MBTD1: variants seen among roughly 807,000 people sequenced by gnomAD.
The protein encoded by MBTD1 is mbt domain containing 1.
In MBTD1, 24 loss-of-function variants were observed where a neutral mutation model predicts 87.8. The ratio of observed to expected loss-of-function variants is 0.27; its 90% CI spans 0.20 to 0.38. The LOEUF (loss-of-function observed/expected upper bound fraction) is 0.38. Ranked by LOEUF, MBTD1 falls within the 10% of genes least tolerant of loss-of-function variation. The pLI, the probability that MBTD1 is intolerant of heterozygous loss-of-function variation, is 1.00. For synonymous variants in MBTD1, 237 were observed against 248.6 expected (o/e 0.95, Z 0.44); for missense variants, 436 against 760.2 (o/e 0.57, Z 5.02).
chr17:51,225,359 TAA>T, intron 2 of MBTD1, 150 bp from the exon 3 acceptor site: 1 of 411,102 alleles, frequency 2.4e-6, no homozygotes, highest in African/African-American at 2.3e-5. Flanking sequence ...TTTCTTTTTT[TAA>T]AAAATGCTTT....
At chr17:51,259,702 G>A (rs999656552) in intron 1 of MBTD1, 133 bp downstream of exon 1, 12 of 800,344 alleles carry the variant, frequency 1.5e-5, no homozygotes, top group Non-Finnish European at 2.0e-5. Context: ...GGGGGCTCCG[G>A]AGGTTGAGAG....
At chr17:51,220,596 C>T in intron 3 of MBTD1, 133 bp from the exon 4 acceptor site, 1 of 717,154 alleles carries the variant, frequency 1.4e-6, no homozygotes, top group Non-Finnish European at 2.2e-6. Flanking sequence ...TCTTCTATCT[C>T]CTATACAAAT....
intron 13 of MBTD1, 142 bp from the exon 14 acceptor site, chr17:51,193,652 C>G: frequency 1.6e-6 from 1 of 618,130 alleles, no homozygotes; most frequent in East Asian, 2.9e-5. Context: ...GGGTCTTGCT[C>G]TGTCGCCCAG....
intron 2 of MBTD1, among the ~76,000 whole-genome samples, chr17:51,228,898 G>A (rs1164964471): frequency 2.0e-5 from 3 of 146,614 alleles, no homozygotes; most frequent in Admixed American, 6.8e-5. Context: ...AGTCCTTCTC[G>A]GGGGTGGGTG....
chr17:51,251,436 C>T (rs2054776600), intron 2 of MBTD1: 1 of 152,200 alleles, frequency 6.6e-6, no homozygotes, highest in Non-Finnish European at 1.5e-5. Context: ...GTACTGCTTA[C>T]CTTTAAGCTC....
At chr17:51,253,255 A>C (rs2054900780) in intron 2 of MBTD1, among the ~76,000 whole-genome samples, 1 of 152,222 alleles carries the variant, frequency 6.6e-6, no homozygotes, top group Non-Finnish European at 1.5e-5. Context: ...AGGCAATTTG[A>C]CATTACATAT....
At chr17:51,233,552 C>A (rs1435494635) in intron 2 of MBTD1, among the ~76,000 whole-genome samples, 1 of 151,470 alleles carries the variant, frequency 6.6e-6, no homozygotes, top group Non-Finnish European at 1.5e-5. Flanking sequence ...ATACATGAGA[C>A]AAAAAGCTAG....
chr17:51,225,287 G>C, intron 2 of MBTD1, 78 bp from the exon 3 acceptor site: 1 of 628,806 alleles, frequency 1.6e-6, no homozygotes, highest in Non-Finnish European at 2.4e-6. Flanking sequence ...ACAAATTCTG[G>C]TAAATGAGAT....
intron 16 of MBTD1, 83 bp from the exon 17 acceptor site, chr17:51,180,777 T>C (rs2050270135): frequency 2.8e-6 from 2 of 726,990 alleles, no homozygotes; most frequent in Non-Finnish European, 4.8e-6. Context: ...TTCCGTCAGC[T>C]TTACAGTTAT....
At chr17:51,226,440 T>A (rs775964168) in intron 2 of MBTD1, among the ~76,000 whole-genome samples, 14 of 150,666 alleles carry the variant, frequency 9.3e-5, no homozygotes, top group Non-Finnish European at 1.8e-4. Context: ...GAGGTGGAGG[T>A]TGCAGTGAGT....
intron 3 of MBTD1, among the ~76,000 whole-genome samples, chr17:51,222,787 T>A (rs2052987025): frequency 6.6e-6 from 1 of 151,836 alleles, no homozygotes; most frequent in South Asian, 2.1e-4. Flanking sequence ...TGACTCTCTA[T>A]CAGCCCCTGA....
At chr17:51,260,579 C>G (rs752729183), upstream of MBTD1, 6 of 1,611,424 alleles carry the variant, frequency 3.7e-6, no homozygotes, top group Middle Eastern at 1.7e-4. Flanking sequence ...CTCCTCAAAC[C>G]TAACGATGCC....
At chr17:51,249,072 G>A (rs11658506) in intron 2 of MBTD1, among the ~76,000 whole-genome samples, 57,572 of 150,694 alleles carry the variant, frequency 0.38, 12,803 homozygotes, top group East Asian at 0.6. Context: ...GCAACATGGC[G>A]AGACTTCGTC....
chr17:51,239,723 C>T (rs950458589), intron 2 of MBTD1, among the ~76,000 whole-genome samples: 1 of 151,984 alleles, frequency 6.6e-6, no homozygotes, highest in African/African-American at 2.4e-5. Flanking sequence ...ACCAAAAACA[C>T]CTTTAGGCAT....
chr17:51,208,833 T>C (rs2143307785), intron 6 of MBTD1, among the ~76,000 whole-genome samples: 1 of 152,376 alleles, frequency 6.6e-6, no homozygotes, highest in Admixed American at 6.5e-5. Context: ...AAACTTTTAA[T>C]ATTATTTTAT....
At position 51,179,502 on chromosome 17, in the gene MBTD1, A is replaced by ATATATTTT. The variant is rs1555673760; in HGVS notation, c.*1073_*1074insAAAATATA. 2.9e-5 allele frequency: 2 copies of ATATATTTT among 68,108 alleles called. No homozygotes were observed. The highest frequency in any genetic ancestry group is 5.5e-5 in the African/African-American group (1 of 18,094). 4.2% of individuals were successfully genotyped at this position (68,108 alleles called of 1,614,324 possible). A position where few individuals can be genotyped will look rare whatever the true frequency, so the allele number is the denominator to read the frequency against. ...GACAATTTTATATATATATATATAT[A>ATATATTTT]TATATATATATATATATATATATAT... On this transcript the variant is annotated 3_prime_UTR_variant, in exon 17 of 17. Coordinates refer to ENST00000586178, the MANE Select transcript of MBTD1 (RefSeq NM_017643.3).
intron 13 of MBTD1, among the ~76,000 whole-genome samples, chr17:51,194,594 T>G (rs1489989657): frequency 3.4e-3 from 173 of 50,390 alleles, no homozygotes; most frequent in African/African-American, 0.017. Context: ...AAAAAAAAAG[T>G]CCACATGGCT....
intron 16 of MBTD1, 119 bp downstream of exon 16, chr17:51,192,084 A>C: frequency 1.3e-6 from 1 of 771,750 alleles, no homozygotes; most frequent in Non-Finnish European, 2.2e-6. Context: ...ACCTTTAAGC[A>C]TAATACATAA....
Position 51,179,496 on chromosome 17 carries a change from A to ATATTTT in MBTD1, c.*1079_*1080insAAAATA, listed in dbSNP as rs1555673725. 4.5e-4 allele frequency: 24 copies of ATATTTT among 53,090 alleles called. No homozygotes were observed. The highest frequency in any genetic ancestry group is 1.2e-3 in the South Asian group (2 of 1,696). 3.3% of individuals were successfully genotyped at this position (53,090 alleles called of 1,614,324 possible). On this transcript the variant is annotated 3_prime_UTR_variant, in exon 17 of 17. Transcript: ENST00000586178. ...ATTAAAGACAATTTTATATATATATATATATATATATATATATATATATAT... is the reference window on the plus strand; with the variant it reads ...ATTAAAGACAATTTTATATATATATATATTTTTATATATATATATATATATATATAT...
Sources: allele counts gnomAD v4.1 joint callset (sites outside exome capture counted in the v4.1 genomes callset), GRCh38; gene constraint gnomAD v4.1.1; transcripts MANE v1.5; gene names NCBI Gene and HGNC (gene_info 2026-07-23, HGNC 2026-07-21).